Variants in TSC2 observed in about 807,000 individuals in gnomAD.
The protein encoded by TSC2 is TSC complex subunit 2, also known as tuberin.
A neutral mutation model predicts 202.2 loss-of-function variants in TSC2; 29 were observed. The ratio of observed to expected loss-of-function variants is 0.14; its 90% CI spans 0.11 to 0.20. The LOEUF is 0.20. Among genes scored for constraint, TSC2 ranks in the 10% least tolerant of loss-of-function variants. The probability of loss-of-function intolerance (pLI) is 1.00; values close to 1 mark genes in which losing one functional copy is unlikely to be tolerated. For missense variants in TSC2, 2,429 were observed against 2,420.0 expected, an observed-to-expected ratio of 1.00 and a Z score of -0.08; for synonymous variants, 1,349 against 1,044.0, an observed-to-expected ratio of 1.29 and a Z score of -5.63.
In TSC2 at chr16:2,072,895, G is replaced by C; in HGVS notation, c.2267G>C (p.Gly756Ala). Residue 756 changes from glycine (G) to alanine (A), a missense_variant, in exon 21 of 42, where the codon GGC becomes GCC. Physicochemically the swap from Gly to Ala is moderately conservative, Grantham distance 60 (BLOSUM62 0). Coordinates refer to ENST00000219476, the MANE Select transcript of TSC2 (RefSeq NM_000548.5). ...GAGCGGCTCCGAGGCGCCCCAGAAG[G>C]CTTCTCCAGAACTGACTTGCACCTG... is the stretch of plus-strand genomic sequence containing the variant. The part of the protein sequence containing the change: ...TLERLRGAPE[G>A]FSRTDLHLAV... 1 of 1,613,630 alleles carries C rather than the reference G, an allele frequency of 6.2e-7. No homozygotes were observed. The highest frequency in any genetic ancestry group is 2.2e-5 in the East Asian group (1 of 44,880).
intron 21 of TSC2, 83 bp downstream of exon 21, chr16:2,073,066 A>G (rs970419368): frequency 6.3e-6 from 10 of 1,597,142 alleles, no homozygotes; most frequent in Non-Finnish European, 6.0e-6. Flanking sequence ...CATTTTTCTC[A>G]TAAACGAGTT....
chr16:2,057,254 GCA>G lies in TSC2; in HGVS notation c.848+82_848+83del, dbSNP rs1307044769. 25 of 1,502,710 alleles carry G rather than the reference GCA, an allele frequency of 1.7e-5. No homozygotes were observed. The African/African-American group carries it at 2.6e-4, about 16-fold the overall frequency. 93.1% of individuals were successfully genotyped at this position (1,502,710 alleles called of 1,614,324 possible). On this transcript the variant is annotated intron_variant, in intron 9 of 41. Transcript: ENST00000219476. ...GGGCAGCTCCAGTGTCCCTTGCCAA[GCA>G]CACACTGGCTTAGAGAGTCCTTGTC...
chr16:2,076,853 C>G (rs532901811), intron 25 of TSC2, among the ~76,000 whole-genome samples: 2 of 152,316 alleles, frequency 1.3e-5, no homozygotes, highest in African/African-American at 2.4e-5. Flanking sequence ...GCGCCTGAGC[C>G]CCTCGAAGGA....
At chr16:2,048,830 T>C (rs2150976128) in intron 2 of TSC2, 77 bp downstream of exon 2, 4 of 1,601,784 alleles carry the variant, frequency 2.5e-6, no homozygotes, top group Non-Finnish European at 3.4e-6. Flanking sequence ...CACCAGGTTC[T>C]GTGGGAGACG....
intron 5 of TSC2, chr16:2,055,053 C>T (rs1016115923): frequency 4.9e-5 from 20 of 406,768 alleles, no homozygotes; most frequent in East Asian, 3.3e-4. Context: ...TCCTCCGAGC[C>T]ACTCTCTGCT....
chr16:2,048,377 G>A (rs947135218), intron 1 of TSC2: 10 of 849,524 alleles, frequency 1.2e-5, no homozygotes, highest in Non-Finnish European at 2.0e-5. Flanking sequence ...TGAGTAGAGA[G>A]CTCTCTAGAC....
At chr16:2,083,880 C>T in intron 33 of TSC2, 64 bp downstream of exon 33, 1 of 1,563,804 alleles carries the variant, frequency 6.4e-7, no homozygotes, top group Non-Finnish European at 8.6e-7. Flanking sequence ...AGGCAGGGCT[C>T]TGCGTGGGTG....
chr16:2,079,796 T>C lies in TSC2; in HGVS notation c.3397+127T>C. 2.1e-6 allele frequency: 2 copies of C among 937,994 alleles called. No individual in the cohort carries two copies. The highest frequency in any genetic ancestry group is 1.6e-6 in the Non-Finnish European group (1 of 637,336). 58.1% of individuals were successfully genotyped at this position (937,994 alleles called of 1,614,324 possible). A position where few individuals can be genotyped will look rare whatever the true frequency, so the allele number is the denominator to read the frequency against. On this transcript the variant is annotated intron_variant, in intron 29 of 41. Coordinates refer to ENST00000219476, the MANE Select transcript of TSC2 (RefSeq NM_000548.5). The surrounding 1 kb of genome is among the most constrained non-coding windows in gnomAD (Gnocchi z 4.6). ...CTGGCTTCAGGCCCGGCCCACGTCCTGACTCTGGGGTGAGCCTTCCACAGC... is the reference window on the plus strand; with the variant it reads ...CTGGCTTCAGGCCCGGCCCACGTCCCGACTCTGGGGTGAGCCTTCCACAGC...
In TSC2 at chr16:2,083,744, G is replaced by A. The variant is rs768160843; in HGVS notation, c.3933G>A (p.Leu1311=). The change falls in exon 33 of 42, where the codon CTG becomes CTA. Residue 1311 remains leucine (L), a synonymous_variant. Coordinates refer to ENST00000219476, the MANE Select transcript of TSC2 (RefSeq NM_000548.5). ...EEGSPGEVPV[L]VEPPGLEDVE... ...GAAGTCCGGGCGAGGTTCCTGTGCT[G>A]GTGGAGCCCCCAGGGTTGGAGGACG... The A allele has an allele frequency of 6.2e-7, 1 of 1,606,826 alleles. No homozygotes were observed. The highest frequency in any genetic ancestry group is 8.5e-7 in the Non-Finnish European group (1 of 1,177,770).
In TSC2 at chr16:2,058,872, A is replaced by T. The variant is rs2086248990; in HGVS notation, c.974A>T (p.Gln325Leu). 1.2e-6 allele frequency: 2 copies of T among 1,607,626 alleles called. No individual in the cohort carries two copies. Among genetic ancestry groups the T allele is most frequent in the Non-Finnish European group, 1.7e-6 (2 of 1,177,266 alleles). The part of the protein sequence containing the change: ...SPTSVLPSFY[Q>L]AMACPNEVVS... ...ACATCTGTGTTGCCATCATTTTACC[A>T]GGTAAGGCGGTTTCTGTGTGCAGTG... is the stretch of plus-strand genomic sequence containing the variant. Residue 325 changes from glutamine to leucine, a missense_variant and splice_region_variant, in exon 10 of 42, where the codon CAG (glutamine) becomes CTG (leucine). Gln to Leu is a moderately radical substitution (Grantham distance 113). Transcript: ENST00000219476.
chr16:2,055,625 G>T lies in TSC2; in HGVS notation c.599+106G>T, dbSNP rs2085696358. ...AATAGAGGTTGGGCTGGGCACAATG[G>T]CTCACGCCTGTAATCTCAGCACTTT... On this transcript the variant is annotated intron_variant, in intron 6 of 41. Coordinates refer to ENST00000219476, the MANE Select transcript of TSC2 (RefSeq NM_000548.5). The T allele has an allele frequency of 7.4e-6, 8 of 1,084,056 alleles. No individual in the cohort carries two copies. The Middle Eastern group carries it at 1.4e-3, about 194-fold the overall frequency. The allele number at this position is 1,084,056 out of a possible 1,614,324, so 67.2% of individuals were successfully genotyped here.
intron 14 of TSC2, chr16:2,063,358 T>C: frequency 1.9e-6 from 1 of 537,396 alleles, no homozygotes; most frequent in East Asian, 3.2e-5. Context: ...TGAGTTCGTT[T>C]CAGCCAGTCT....
chr16:2,059,610 C>T (rs1015161748), intron 10 of TSC2, among the ~76,000 whole-genome samples: 3 of 151,340 alleles, frequency 2.0e-5, no homozygotes, highest in Non-Finnish European at 2.9e-5. Flanking sequence ...ACCTCCGCCT[C>T]CCAGGTTCAA....
intron 30 of TSC2, chr16:2,080,763 C>A (rs565173445): frequency 2.0e-4 from 49 of 248,132 alleles, no homozygotes; most frequent in African/African-American, 1.0e-3. Context: ...GGATTACAGG[C>A]GTGAGCCACC....
intron 17 of TSC2, among the ~76,000 whole-genome samples, chr16:2,070,867 T>C (rs1005883949): frequency 2.0e-5 from 3 of 152,292 alleles, no homozygotes; most frequent in South Asian, 4.1e-4. Context: ...CTGACGCTCC[T>C]GGTGCTGCAG....
Position 2,085,316 on chromosome 16 carries a change from A to C in TSC2, c.4656A>C (p.Glu1552Asp). The stretch of plus-strand genomic sequence containing the variant: ...AGATCGCCGTCCTGTATGTTGGAGA[A>C]GGCCAGGTGAGGCTGCGGGGCCGGC... Reference protein sequence around the residue: ...THKIAVLYVGEGQSNSELAIL... With the variant: ...THKIAVLYVGDGQSNSELAIL... The change falls in exon 36 of 42, where the codon GAA becomes GAC. Residue 1552 changes from glutamate (E) to aspartate (D), a missense_variant. Glu to Asp is a conservative substitution (Grantham distance 45). Transcript: ENST00000219476. 1.2e-6 allele frequency: 2 copies of C among 1,612,660 alleles called. No homozygotes were observed. The highest frequency in any genetic ancestry group is 1.1e-5 in the South Asian group (1 of 91,088).
chr16:2,053,803 C>T (rs1434532342), intron 4 of TSC2: 3 of 521,930 alleles, frequency 5.7e-6, no homozygotes, highest in Non-Finnish European at 7.4e-6. Flanking sequence ...CACTCCCCTG[C>T]TCACTGCATT....
intron 16 of TSC2, among the ~76,000 whole-genome samples, chr16:2,070,255 A>T (rs1280551747): frequency 6.6e-6 from 1 of 152,188 alleles, no homozygotes; most frequent in African/African-American, 2.4e-5. Context: ...GACTGCCCTG[A>T]TGATGAGATG....
chr16:2,077,200 C>T (rs1391938524), intron 25 of TSC2, among the ~76,000 whole-genome samples: 1 of 152,200 alleles, frequency 6.6e-6, no homozygotes, highest in Non-Finnish European at 1.5e-5. Context: ...ACCTTCAGGG[C>T]CTGGCCACTG....
Sources: gnomAD v4.1 joint callset for allele counts (sites outside exome capture counted in the v4.1 genomes callset) on GRCh38, gnomAD v4.1.1 for gene constraint, Gnocchi (gnomAD v3.1) non-coding constraint, MANE v1.5 for transcripts, NCBI Gene and HGNC (gene_info 2026-07-23, HGNC 2026-07-21) for gene names.